Variants in RELN observed in about 807,000 individuals in gnomAD.
RELN encodes the protein reelin.
A neutral mutation model predicts 427.6 loss-of-function variants in RELN; 108 were observed. The ratio of observed to expected loss-of-function variants is 0.25; its 90% CI spans 0.22 to 0.30. The LOEUF (loss-of-function observed/expected upper bound fraction) is 0.30. Among genes scored for constraint, RELN ranks in the 10% least tolerant of loss-of-function variants. The pLI is 1.00. For missense variants in RELN, 3,715 were observed against 4,302.8 expected (o/e 0.86, Z 3.82); for synonymous variants, 1,524 against 1,513.4 (o/e 1.01, Z -0.16).
intron 2 of RELN, among the ~76,000 whole-genome samples, chr7:103,849,190 C>T (rs1793754136): frequency 6.6e-6 from 1 of 152,186 alleles, no homozygotes; most frequent in Non-Finnish European, 1.5e-5. Flanking sequence ...CAAAGCAATG[C>T]TATCATGTCT....
rs938826272 is a variant in RELN at position 103,500,639 on chromosome 7, G to A, written c.8667+106C>T. 16 of 1,117,104 alleles carry A rather than the reference G, an allele frequency of 1.4e-5. No individual in the cohort carries two copies. The African/African-American group carries it at 2.5e-4, about 17-fold the overall frequency. 69.2% of individuals were successfully genotyped at this position (1,117,104 alleles called of 1,614,324 possible). Reference sequence around the variant, plus strand: ...TTCTATTCAAAGGATTTTCTTTCCTGGGGGACCCAAAGGACATTGTTATAG... The same window carrying A: ...TTCTATTCAAAGGATTTTCTTTCCTAGGGGACCCAAAGGACATTGTTATAG... On this transcript the variant is annotated intron_variant, in intron 53 of 64. Coordinates refer to ENST00000428762, the MANE Select transcript of RELN (RefSeq NM_005045.4).
At chr7:103,973,220 A>G (rs919187760) in intron 1 of RELN, among the ~76,000 whole-genome samples, 2 of 152,214 alleles carry the variant, frequency 1.3e-5, no homozygotes, top group African/African-American at 4.8e-5. Flanking sequence ...TGGCTGGAAC[A>G]AGGCAGTTAA....
chr7:103,832,780 A>G (rs892193744), intron 3 of RELN, among the ~76,000 whole-genome samples: 1 of 152,118 alleles, frequency 6.6e-6, no homozygotes, highest in Non-Finnish European at 1.5e-5. Context: ...GTTTCTACAG[A>G]GTACCTGACT....
chr7:103,802,258 G>T (rs573227714), intron 3 of RELN, among the ~76,000 whole-genome samples: 1 of 152,020 alleles, frequency 6.6e-6, no homozygotes, highest in Non-Finnish European at 1.5e-5. Flanking sequence ...GAGGGAAAAA[G>T]AAAAATGATC....
chr7:103,535,356 T>G lies in RELN; in HGVS notation c.7309A>C (p.Lys2437Gln). Reference sequence around the variant, plus strand: ...AGAGGCAGAGTGATTCTAGTCCACTTGTTGAAAGTGTCTGACACCAGGATC... The same window carrying G: ...AGAGGCAGAGTGATTCTAGTCCACTGGTTGAAAGTGTCTGACACCAGGATC... ...QRILVSDTFN[K>Q]WTRITLPLPP... Residue 2437 changes from lysine (K) to glutamine (Q), a missense_variant, in exon 46 of 65, where the codon AAG (lysine) becomes CAG (glutamine). Coordinates refer to ENST00000428762, the MANE Select transcript of RELN (RefSeq NM_005045.4). The G allele has an allele frequency of 6.2e-7, 1 of 1,614,038 alleles. No individual in the cohort carries two copies. The highest frequency in any genetic ancestry group is 8.5e-7 in the Non-Finnish European group (1 of 1,179,962).
At chr7:103,956,816 A>T (rs1244183026) in intron 1 of RELN, among the ~76,000 whole-genome samples, 1 of 152,164 alleles carries the variant, frequency 6.6e-6, no homozygotes, top group Admixed American at 6.6e-5. Context: ...GAATCACTGG[A>T]ATGTTAAAAG....
At chr7:103,744,514 C>A (rs1171801666) in intron 6 of RELN, among the ~76,000 whole-genome samples, 1 of 152,070 alleles carries the variant, frequency 6.6e-6, no homozygotes, top group African/African-American at 2.4e-5. Flanking sequence ...TGATAGACCA[C>A]TAGCAAGACT....
At chr7:103,791,190 A>G (rs1411486588) in intron 3 of RELN, among the ~76,000 whole-genome samples, 1 of 152,160 alleles carries the variant, frequency 6.6e-6, no homozygotes, top group Non-Finnish European at 1.5e-5. Flanking sequence ...ACCTAAATGG[A>G]TCTACAGATT....
chr7:103,910,349 C>T (rs1795336231), intron 2 of RELN, among the ~76,000 whole-genome samples: 3 of 148,302 alleles, frequency 2.0e-5, no homozygotes, highest in Admixed American at 1.4e-4. Context: ...ACAATCATGT[C>T]GCCTGCAAAC....
chr7:103,808,518 G>A (rs968555110), intron 3 of RELN, among the ~76,000 whole-genome samples: 1 of 151,456 alleles, frequency 6.6e-6, no homozygotes, highest in African/African-American at 2.4e-5. Flanking sequence ...AGGAAAATCT[G>A]TATTATGAAA....
intron 22 of RELN, 50 bp from the exon 23 acceptor site, chr7:103,604,533 G>T: frequency 6.2e-6 from 10 of 1,601,720 alleles, no homozygotes; most frequent in Non-Finnish European, 8.6e-6. Flanking sequence ...TTTCAGCAGT[G>T]ACATTGGCAA....
chr7:103,895,787 G>A (rs1321096017), intron 2 of RELN, among the ~76,000 whole-genome samples: 8 of 151,642 alleles, frequency 5.3e-5, no homozygotes, highest in Admixed American at 2.6e-4. Flanking sequence ...ATTGAGATAG[G>A]CAATGGCTTA....
chr7:103,840,008 C>T (rs1463957489), intron 2 of RELN, among the ~76,000 whole-genome samples: 1 of 152,216 alleles, frequency 6.6e-6, no homozygotes, highest in Non-Finnish European at 1.5e-5. Context: ...TGTAACACTT[C>T]TCTTTCTCTC....
intron 12 of RELN, among the ~76,000 whole-genome samples, chr7:103,658,910 C>G (rs2117406346): frequency 6.6e-6 from 1 of 151,914 alleles, no homozygotes; most frequent in East Asian, 2.0e-4. Context: ...ATGACACCTT[C>G]CACCCACCTC....
intron 2 of RELN, among the ~76,000 whole-genome samples, chr7:103,835,816 T>G (rs1172501799): frequency 6.6e-6 from 1 of 152,166 alleles, no homozygotes; most frequent in South Asian, 2.1e-4. Context: ...CCAATACATA[T>G]GACAGCACCT....
chr7:103,828,827 A>C (rs1210824277), intron 3 of RELN, among the ~76,000 whole-genome samples: 1 of 151,982 alleles, frequency 6.6e-6, no homozygotes, highest in African/African-American at 2.4e-5. Context: ...AGTAGATAGG[A>C]AACACACGTG....
chr7:103,523,255 C>G, intron 47 of RELN, 136 bp downstream of exon 47: 1 of 966,458 alleles, frequency 1.0e-6, no homozygotes, highest in Non-Finnish European at 1.6e-6. Context: ...TCACAGTTAG[C>G]TCAAGATCAT....
intron 20 of RELN, among the ~76,000 whole-genome samples, chr7:103,619,050 A>G (rs1331987308): frequency 2.0e-5 from 3 of 152,192 alleles, no homozygotes; most frequent in South Asian, 4.2e-4. Flanking sequence ...ACCAGCTTGC[A>G]GTGAGCTGAG....
intron 13 of RELN, 109 bp downstream of exon 13, chr7:103,653,984 C>G: frequency 1.3e-6 from 1 of 753,024 alleles, no homozygotes; most frequent in Non-Finnish European, 2.5e-6. Flanking sequence ...TCTGGCCTGT[C>G]AGAACAGGGA....
Sources: allele counts gnomAD v4.1 joint callset (sites outside exome capture counted in the v4.1 genomes callset), GRCh38; gene constraint gnomAD v4.1.1; transcripts MANE v1.5; gene names NCBI Gene and HGNC (gene_info 2026-07-23, HGNC 2026-07-21).